The following DOCK1 variants were observed in gnomAD, a reference collection of about 807,000 sequenced individuals.
DOCK1 encodes the protein dedicator of cytokinesis protein 1.
Under a neutral mutation model 262.7 loss-of-function variants are expected in DOCK1, and 138 were observed. The ratio of observed to expected loss-of-function variants is 0.53; its 90% CI spans 0.46 to 0.61. The LOEUF (loss-of-function observed/expected upper bound fraction) is 0.61, where lower values mean the gene tolerates loss of function less well. Among genes scored for constraint, DOCK1 ranks in the 20% least tolerant of loss-of-function variants. The pLI, the probability that DOCK1 is intolerant of heterozygous loss-of-function variation, is 0.00. For synonymous variants in DOCK1, 866 were observed against 867.4 expected (o/e 1.00, Z 0.03); for missense variants, 1,908 against 2,370.7 (o/e 0.80, Z 4.05).
chr10:127,422,379 A>T (rs2068571559), intron 46 of DOCK1, among the ~76,000 whole-genome samples: 1 of 151,664 alleles, frequency 6.6e-6, no homozygotes, highest in South Asian at 2.1e-4. Flanking sequence ...GTTGGCCAGG[A>T]TGGTCTCGAT....
At chr10:126,912,826 T>C (rs1424911500) in intron 1 of DOCK1, among the ~76,000 whole-genome samples, 3 of 152,024 alleles carry the variant, frequency 2.0e-5, no homozygotes, top group Admixed American at 2.0e-4. Flanking sequence ...CTCTTTAAAT[T>C]CCCTGCCTCC....
chr10:127,275,621 A>T (rs909463094), intron 29 of DOCK1, among the ~76,000 whole-genome samples: 9 of 152,058 alleles, frequency 5.9e-5, no homozygotes, highest in African/African-American at 2.2e-4. Context: ...AAACGCTGGG[A>T]TGGAGGAGGT....
chr10:127,076,574 A>G (rs2046568423), intron 23 of DOCK1, among the ~76,000 whole-genome samples: 1 of 152,214 alleles, frequency 6.6e-6, no homozygotes, highest in African/African-American at 2.4e-5. Flanking sequence ...TTGGAATTCA[A>G]GGTGAAAGGC....
chr10:126,987,751 ATTG>A, intron 5 of DOCK1, 134 bp downstream of exon 5: 2 of 860,582 alleles, frequency 2.3e-6, no homozygotes, highest in Non-Finnish European at 3.5e-6. Flanking sequence ...TTTACTCGGA[ATTG>A]GCAAAGGAAG....
At chr10:127,060,196 C>T (rs1158812661) in intron 22 of DOCK1, among the ~76,000 whole-genome samples, 5 of 151,998 alleles carry the variant, frequency 3.3e-5, no homozygotes, top group Non-Finnish European at 7.4e-5. Flanking sequence ...AGTCTTCTAT[C>T]CCATACAGGT....
chr10:127,450,553 T>C (rs6482916), intron 51 of DOCK1, among the ~76,000 whole-genome samples: 74,388 of 151,976 alleles, frequency 0.49, 18,322 homozygotes, highest in South Asian at 0.55. Context: ...TCTATTCGAT[T>C]GACCCATATT....
intron 27 of DOCK1, among the ~76,000 whole-genome samples, chr10:127,211,227 A>G (rs943158450): frequency 7.2e-5 from 11 of 152,160 alleles, no homozygotes; most frequent in Admixed American, 6.5e-4. Context: ...GCCAAGTGCA[A>G]CTTGCCAGAC....
rs73386601 is a variant in DOCK1 at position 127,395,072 on chromosome 10, G to A, written c.3928-7983G>A. On this transcript the variant is annotated intron_variant, in intron 38 of 51. Transcript: ENST00000623213. Reference sequence around the variant, plus strand: ...AGGAATTTCAGAGTGTGAGAATAGCGCCAGAAGGGGAAGAGCTCCTGATGA... The same window carrying A: ...AGGAATTTCAGAGTGTGAGAATAGCACCAGAAGGGGAAGAGCTCCTGATGA... Among the ~76,000 whole-genome samples the A allele has an allele frequency of 6.1e-3, 932 of 152,298 alleles. 10 individuals carry two copies. The highest frequency in any genetic ancestry group is 0.021 in the African/African-American group (887 of 41,566).
Position 126,981,907 on chromosome 10 carries a change from TCCTCCCAA to T in DOCK1, c.172-10_172-3del, listed in dbSNP as rs1554965823. The stretch of plus-strand genomic sequence containing the variant: ...ATAATAAAAGCTACTGTTTTTTTTT[TCCTCCCAA>T]AGGGTATATTTCCTGCTTCATATAT... On this transcript the variant is annotated splice_polypyrimidine_tract_variant and splice_region_variant and intron_variant, in intron 3 of 51. Transcript: ENST00000623213. 1.2e-6 allele frequency: 2 copies of T among 1,603,864 alleles called. No individual in the cohort carries two copies. The highest frequency in any genetic ancestry group is 1.8e-5 in the Admixed American group (1 of 57,122).
chr10:127,192,000 T>G (rs752693943), intron 27 of DOCK1, among the ~76,000 whole-genome samples: 1 of 152,260 alleles, frequency 6.6e-6, no homozygotes, highest in Non-Finnish European at 1.5e-5. Context: ...TATTAAGGGC[T>G]GAACTGGAAT....
At chr10:126,948,123 TGGTTGGTAGTATTA>T in intron 1 of DOCK1, among the ~76,000 whole-genome samples, 1 of 118,386 alleles carries the variant, frequency 8.4e-6, no homozygotes, top group Non-Finnish European at 1.8e-5. Flanking sequence ...GTGATGGTGG[TGGTTGGTAGTATTA>T]CTGTTGGTGG....
At chr10:127,450,969 G>C (rs2070922582) in intron 51 of DOCK1, among the ~76,000 whole-genome samples, 2 of 152,110 alleles carry the variant, frequency 1.3e-5, no homozygotes, top group African/African-American at 4.8e-5. Context: ...AGCAAAAGAA[G>C]GTCTCTCATC....
chr10:127,381,045 A>G (rs1418173714), intron 36 of DOCK1, among the ~76,000 whole-genome samples: 1 of 152,242 alleles, frequency 6.6e-6, no homozygotes, highest in Non-Finnish European at 1.5e-5. Context: ...GAAAATGAAA[A>G]GGAATGAAAA....
At chr10:127,224,413 A>G (rs1442915575) in intron 27 of DOCK1, among the ~76,000 whole-genome samples, 2 of 151,990 alleles carry the variant, frequency 1.3e-5, no homozygotes, top group African/African-American at 4.8e-5. Context: ...AATACAAAAA[A>G]TAGCCAGGCA....
intron 28 of DOCK1, among the ~76,000 whole-genome samples, chr10:127,248,776 A>G (rs2134796709): frequency 6.6e-6 from 1 of 152,316 alleles, no homozygotes; most frequent in Non-Finnish European, 1.5e-5. Flanking sequence ...AGGATCTGTA[A>G]GGTCCTGTAG....
intron 27 of DOCK1, among the ~76,000 whole-genome samples, chr10:127,197,846 AC>A (rs200552075): frequency 0.013 from 2,015 of 152,142 alleles, 13 homozygotes; most frequent in Non-Finnish European, 0.02. Flanking sequence ...TATACGAAAT[AC>A]CTTCTTTGTA....
At chr10:126,977,662 GTGCATCTGAACTTCAAACTGC>G (rs2038648157) in intron 2 of DOCK1, among the ~76,000 whole-genome samples, 1 of 152,140 alleles carries the variant, frequency 6.6e-6, no homozygotes, top group East Asian at 1.9e-4. Context: ...TCTTGGAACT[GTGCATCTGAACTTCAAACTGC>G]TGCTTCCGAA....
intron 25 of DOCK1, among the ~76,000 whole-genome samples, chr10:127,112,349 T>C (rs2048919630): frequency 6.6e-6 from 1 of 152,216 alleles, no homozygotes. Context: ...TGCTCATTTC[T>C]TTAGGTCGTA....
intron 27 of DOCK1, among the ~76,000 whole-genome samples, chr10:127,182,435 A>G (rs771804363): frequency 1.3e-5 from 2 of 152,160 alleles, no homozygotes; most frequent in Non-Finnish European, 2.9e-5. Flanking sequence ...CTTGGTGCTC[A>G]TGTTTTAAAA....
Sources: gnomAD v4.1 joint callset for allele counts (sites outside exome capture counted in the v4.1 genomes callset) on GRCh38, gnomAD v4.1.1 for gene constraint, MANE v1.5 for transcripts, NCBI Gene and HGNC (gene_info 2026-07-23, HGNC 2026-07-21) for gene names.